The following DYNC2I1 variants were observed in gnomAD, a reference collection of about 807,000 sequenced individuals.
DYNC2I1 encodes dynein 2 intermediate chain 1, also known as cytoplasmic dynein 2 intermediate chain 1.
A neutral mutation model predicts 133.4 loss-of-function variants in DYNC2I1; 89 were observed. That is an observed-to-expected ratio of 0.67 (90% confidence interval 0.56 to 0.80). The LOEUF (loss-of-function observed/expected upper bound fraction) is 0.80, where lower values mean the gene tolerates loss of function less well. Among genes scored for constraint, DYNC2I1 ranks in the 30% least tolerant of loss-of-function variants. The probability of loss-of-function intolerance (pLI) is 0.00; values close to 1 mark genes in which losing one functional copy is unlikely to be tolerated. For missense variants in DYNC2I1, 1,291 were observed against 1,314.5 expected (o/e 0.98, Z 0.28); for synonymous variants, 504 against 484.3 (o/e 1.04, Z -0.54).
intron 8 of DYNC2I1, among the ~76,000 whole-genome samples, chr7:158,891,889 G>C (rs530974758): frequency 9.0e-6 from 1 of 110,550 alleles, no homozygotes; most frequent in Non-Finnish European, 2.2e-5. Flanking sequence ...TCTGAAGGAC[G>C]TAGCGCGGAG....
intron 20 of DYNC2I1, 48 bp from the exon 21 acceptor site, chr7:158,930,407 T>C (rs1785352900): frequency 6.6e-7 from 1 of 1,521,242 alleles, no homozygotes; most frequent in African/African-American, 1.4e-5. Context: ...TAGATTTTGA[T>C]TTAGCTTCTA....
chr7:158,920,486 A>G (rs1177896969), intron 15 of DYNC2I1, among the ~76,000 whole-genome samples: 1 of 152,110 alleles, frequency 6.6e-6, no homozygotes, highest in East Asian at 1.9e-4. Flanking sequence ...CCATCAGGGA[A>G]CACATGAAGT....
Position 158,893,403 on chromosome 7 carries a change from A to G in DYNC2I1, c.1059+2070A>G, listed in dbSNP as rs1470432942. ...ATCGTGATTTGAAAATGCGTTTAAT[A>G]TGCCTAACTACTGAAGCTTAGCCCA... On this transcript the variant is annotated intron_variant, in intron 8 of 24. Coordinates refer to ENST00000407559, the MANE Select transcript of DYNC2I1 (RefSeq NM_018051.5). 3.3e-5 allele frequency among the ~76,000 whole-genome samples: 5 copies of G among 152,338 alleles called. No homozygotes were observed. In the South Asian group the frequency reaches 6.2e-4, roughly 19 times the overall value.
At chr7:158,885,179 C>G (rs914067817) in intron 6 of DYNC2I1, among the ~76,000 whole-genome samples, 1 of 152,132 alleles carries the variant, frequency 6.6e-6, no homozygotes. Flanking sequence ...ATTCCGCCCT[C>G]AGGCCTTGGC....
At chr7:158,926,132 T>G in intron 17 of DYNC2I1, 55 bp from the exon 18 acceptor site, 2 of 1,369,592 alleles carry the variant, frequency 1.5e-6, no homozygotes, top group Non-Finnish European at 2.1e-6. Flanking sequence ...TGATGCGAAC[T>G]GCATTTCTTC....
At chr7:158,871,911 C>T (rs1464745573) in intron 3 of DYNC2I1, among the ~76,000 whole-genome samples, 1 of 152,196 alleles carries the variant, frequency 6.6e-6, no homozygotes, top group African/African-American at 2.4e-5. Flanking sequence ...TTTTTGTTTT[C>T]TCTCATAGTT....
At chr7:158,856,167 C>G (rs1456174204), upstream of DYNC2I1, among the ~76,000 whole-genome samples, 1 of 151,748 alleles carries the variant, frequency 6.6e-6, no homozygotes, top group African/African-American at 2.4e-5. Flanking sequence ...AGGATGGTCT[C>G]GATCTCCTGA....
chr7:158,933,070 T>G (rs1850389492), intron 21 of DYNC2I1, among the ~76,000 whole-genome samples: 1 of 151,016 alleles, frequency 6.6e-6, no homozygotes, highest in Non-Finnish European at 1.5e-5. Context: ...GATTTGGGAG[T>G]CGTCAACCAA....
At chr7:158,906,228 CT>C in intron 11 of DYNC2I1, 137 bp downstream of exon 11, 1 of 708,048 alleles carries the variant, frequency 1.4e-6, no homozygotes, top group African/African-American at 1.8e-5. Flanking sequence ...TTGTACTACA[CT>C]TTTGTGTTGA....
At position 158,914,834 on chromosome 7, in the gene DYNC2I1, A is replaced by G. The variant is rs548079893; in HGVS notation, c.1791+513A>G. The stretch of plus-strand genomic sequence containing the variant: ...CACCCACCCCATCAGTTATTTTGAA[A>G]CAAATCCCAATCATCTAACTTTGCC... On this transcript the variant is annotated intron_variant, in intron 14 of 24. Coordinates refer to ENST00000407559, the MANE Select transcript of DYNC2I1 (RefSeq NM_018051.5). Among the ~76,000 whole-genome samples, 4 of 152,334 alleles carry G rather than the reference A, an allele frequency of 2.6e-5. No homozygotes were observed. The South Asian group carries it at 8.3e-4, about 32-fold the overall frequency.
intron 23 of DYNC2I1, among the ~76,000 whole-genome samples, chr7:158,937,409 G>A (rs1465214390): frequency 2.7e-5 from 4 of 149,762 alleles, no homozygotes; most frequent in African/African-American, 4.9e-5. Flanking sequence ...GGTGGATCAC[G>A]AGGTCAGGAG....
chr7:158,879,600 C>T (rs1184793631), intron 4 of DYNC2I1, 84 bp from the exon 5 acceptor site: 9 of 1,418,074 alleles, frequency 6.3e-6, no homozygotes, highest in African/African-American at 2.9e-5. Flanking sequence ...TTGGATCCGT[C>T]GTTGCAGAAC....
At chr7:158,878,311 T>G (rs1478752399) in intron 4 of DYNC2I1, among the ~76,000 whole-genome samples, 992 of 35,642 alleles carry the variant, frequency 0.028, no homozygotes, top group Middle Eastern at 0.048. Context: ...CATGTGGGGA[T>G]GCCAGGAGGG....
chr7:158,890,412 T>C (rs1219413907), intron 7 of DYNC2I1, among the ~76,000 whole-genome samples: 1 of 152,160 alleles, frequency 6.6e-6, no homozygotes, highest in Non-Finnish European at 1.5e-5. Context: ...TTGGCTCTGA[T>C]TAGATCCTGA....
At chr7:158,889,523 TC>T (rs1210096785) in intron 7 of DYNC2I1, among the ~76,000 whole-genome samples, 2 of 152,220 alleles carry the variant, frequency 1.3e-5, no homozygotes, top group Non-Finnish European at 2.9e-5. Context: ...TTTCCTATTT[TC>T]TTCATGTTTC....
rs538877452 is a variant in DYNC2I1 at position 158,887,188 on chromosome 7, A to G, written c.990+113A>G. 3.3e-4 allele frequency: 346 copies of G among 1,058,504 alleles called. 7 individuals carry two copies. In the South Asian group the frequency reaches 4.7e-3, roughly 14 times the overall value. The allele number at this position is 1,058,504 out of a possible 1,614,324, so 65.6% of individuals were successfully genotyped here. A position where few individuals can be genotyped will look rare whatever the true frequency, so the allele number is the denominator to read the frequency against. On this transcript the variant is annotated intron_variant, in intron 7 of 24. Transcript: ENST00000407559. ...AGGCCGAGACAGGGCTCATTTGCAGATGGTTTATTCGAGTGGTGATCCCAG... is the reference window on the plus strand; with the variant it reads ...AGGCCGAGACAGGGCTCATTTGCAGGTGGTTTATTCGAGTGGTGATCCCAG...
chr7:158,941,282 G>A (rs1301871193), intron 23 of DYNC2I1, among the ~76,000 whole-genome samples: 1 of 152,140 alleles, frequency 6.6e-6, no homozygotes, highest in Non-Finnish European at 1.5e-5. Context: ...TGACACAAAT[G>A]TATGTAGTTT....
At chr7:158,941,820 T>G in intron 23 of DYNC2I1, 105 bp from the exon 24 acceptor site, 327 of 1,329,362 alleles carry the variant, frequency 2.5e-4, no homozygotes, top group Non-Finnish European at 3.0e-4. Context: ...CAAGCTGCCA[T>G]GAGCTGTGAT....
At chr7:158,949,996 C>G (rs1852007361), downstream of DYNC2I1, among the ~76,000 whole-genome samples, 1 of 152,154 alleles carries the variant, frequency 6.6e-6, no homozygotes, top group African/African-American at 2.4e-5. Context: ...GTCTCGAACT[C>G]CCAACCTCAG....
Sources: allele counts gnomAD v4.1 joint callset (sites outside exome capture counted in the v4.1 genomes callset), GRCh38; gene constraint gnomAD v4.1.1; transcripts MANE v1.5; gene names NCBI Gene and HGNC (gene_info 2026-07-23, HGNC 2026-07-21).